SUGCT: variants seen among roughly 807,000 people sequenced by gnomAD.
SUGCT encodes succinyl-CoA:glutarate CoA-transferase.
SUGCT carries 41 observed loss-of-function variants against 55.0 expected under a neutral mutation model. The ratio of observed to expected loss-of-function variants is 0.74; its 90% CI spans 0.58 to 0.97. The LOEUF (loss-of-function observed/expected upper bound fraction) is 0.97. Ranked by LOEUF, SUGCT falls within the 50% of genes least tolerant of loss-of-function variation. The pLI, the probability that SUGCT is intolerant of heterozygous loss-of-function variation, is 0.00. For missense variants in SUGCT, 568 were observed against 547.8 expected, an observed-to-expected ratio of 1.04 and a Z score of -0.37; for synonymous variants, 187 against 200.4, an observed-to-expected ratio of 0.93 and a Z score of 0.56.
chr7:40,203,188 G>C (rs1364901175), intron 6 of SUGCT, among the ~76,000 whole-genome samples: 1 of 152,152 alleles, frequency 6.6e-6, no homozygotes, highest in African/African-American at 2.4e-5. Context: ...AGGAAATTCA[G>C]CTGAAGGTTT....
chr7:40,832,456 T>C (rs1362384183), intron 13 of SUGCT, among the ~76,000 whole-genome samples: 1 of 152,128 alleles, frequency 6.6e-6, no homozygotes, highest in East Asian at 1.9e-4. Context: ...CTTTATATTT[T>C]TTAGTGTTCT....
intron 11 of SUGCT, among the ~76,000 whole-genome samples, chr7:40,461,297 C>T (rs1471928125): frequency 3.3e-5 from 5 of 151,996 alleles, no homozygotes; most frequent in African/African-American, 1.2e-4. Context: ...TTCCAGTATT[C>T]AAAAATATTA....
the SUGCT span, among the ~76,000 whole-genome samples, chr7:40,892,728 G>A: frequency 6.6e-6 from 1 of 152,092 alleles, no homozygotes; most frequent in Non-Finnish European, 1.5e-5. Flanking sequence ...TGTGGAACTA[G>A]GGTCTTGGTG....
At chr7:40,376,520 T>C (rs1166150788) in intron 9 of SUGCT, among the ~76,000 whole-genome samples, 1 of 151,962 alleles carries the variant, frequency 6.6e-6, no homozygotes, top group Non-Finnish European at 1.5e-5. Flanking sequence ...GCCTCCTGAG[T>C]AGCTGGGACT....
chr7:40,442,491 G>A (rs184223814), intron 9 of SUGCT, among the ~76,000 whole-genome samples: 23 of 151,294 alleles, frequency 1.5e-4, no homozygotes, highest in South Asian at 1.0e-3. Flanking sequence ...TTTTTTTTCC[G>A]TCTTATATTT....
the SUGCT span, among the ~76,000 whole-genome samples, chr7:41,015,182 CGAA>C: frequency 6.6e-6 from 1 of 151,854 alleles, no homozygotes; most frequent in Non-Finnish European, 1.5e-5. Context: ...AAGCAGAGAT[CGAA>C]GAAGAGGCTT....
At chr7:40,712,847 T>C (rs1229140502) in intron 12 of SUGCT, among the ~76,000 whole-genome samples, 1 of 152,204 alleles carries the variant, frequency 6.6e-6, no homozygotes, top group Non-Finnish European at 1.5e-5. Flanking sequence ...TTTGAAACCT[T>C]TAGATTTTAC....
the SUGCT span, among the ~76,000 whole-genome samples, chr7:41,016,641 T>C: frequency 6.6e-6 from 1 of 152,182 alleles, no homozygotes; most frequent in African/African-American, 2.4e-5. Context: ...GTTAACATCA[T>C]CCAGGTATTT....
intron 12 of SUGCT, among the ~76,000 whole-genome samples, chr7:40,616,267 C>T (rs1229810256): frequency 6.6e-6 from 1 of 152,022 alleles, no homozygotes; most frequent in Non-Finnish European, 1.5e-5. Flanking sequence ...GCGATCTTGG[C>T]TCACTGCAAC....
chr7:40,408,336 T>C (rs900481902), intron 9 of SUGCT, among the ~76,000 whole-genome samples: 3 of 152,158 alleles, frequency 2.0e-5, no homozygotes, highest in Non-Finnish European at 4.4e-5. Context: ...CTTTTGTTCC[T>C]GAAACCATGT....
rs1250929253 is a variant in SUGCT, at chr7:40,368,004, C to CT, written c.816+51152dup. ...GTCACTCCTCTTCTAGCCTCTAAGC[C>CT]TTTGCTCCTGCCATGTTTCCATCTC... On this transcript the variant is annotated intron_variant, in intron 9 of 13. Transcript: ENST00000335693. Among the ~76,000 whole-genome samples the CT allele has an allele frequency of 3.3e-5, 5 of 152,284 alleles. No homozygotes were observed. The East Asian group carries it at 9.7e-4, about 29-fold the overall frequency.
chr7:40,393,468 G>T (rs894599099), intron 9 of SUGCT, among the ~76,000 whole-genome samples: 1 of 152,188 alleles, frequency 6.6e-6, no homozygotes, highest in Admixed American at 6.5e-5. Flanking sequence ...GTAAATGTTG[G>T]ATTGGGACTT....
chr7:40,380,346 A>G (rs1784808926), intron 9 of SUGCT, among the ~76,000 whole-genome samples: 1 of 152,184 alleles, frequency 6.6e-6, no homozygotes, highest in Non-Finnish European at 1.5e-5. Context: ...GCTACAAGCC[A>G]TTACTCAATT....
At chr7:40,308,609 CTT>C (rs907501461) in intron 8 of SUGCT, among the ~76,000 whole-genome samples, 3 of 152,140 alleles carry the variant, frequency 2.0e-5, no homozygotes, top group African/African-American at 4.8e-5. Context: ...ACTACTGTCT[CTT>C]TTACTTACTA....
intron 12 of SUGCT, among the ~76,000 whole-genome samples, chr7:40,624,514 G>A (rs952260213): frequency 1.3e-5 from 2 of 152,096 alleles, no homozygotes; most frequent in African/African-American, 2.4e-5. Flanking sequence ...AAAGCATTAA[G>A]CCGATTTTCC....
chr7:40,453,228 A>G (rs1389068993), intron 10 of SUGCT, among the ~76,000 whole-genome samples: 1 of 152,184 alleles, frequency 6.6e-6, no homozygotes, highest in African/African-American at 2.4e-5. Flanking sequence ...TCTGAGAAAG[A>G]AGAACTTTCT....
At chr7:40,545,113 T>C (rs1794921264) in intron 12 of SUGCT, among the ~76,000 whole-genome samples, 1 of 152,104 alleles carries the variant, frequency 6.6e-6, no homozygotes, top group Admixed American at 6.5e-5. Flanking sequence ...AAGACTTAGA[T>C]GGTTTGTTTT....
chr7:40,140,235 G>A (rs1182331250), intron 1 of SUGCT, among the ~76,000 whole-genome samples: 1 of 151,916 alleles, frequency 6.6e-6, no homozygotes, highest in East Asian at 1.9e-4. Context: ...GAGATACAGG[G>A]ATCCAGTTTC....
At chr7:40,367,306 A>G (rs1322504859) in intron 9 of SUGCT, among the ~76,000 whole-genome samples, 1 of 151,534 alleles carries the variant, frequency 6.6e-6, no homozygotes, top group East Asian at 1.9e-4. Context: ...TAGGAGATAT[A>G]CCTAATGCTA....
Sources: allele counts gnomAD v4.1 joint callset (sites outside exome capture counted in the v4.1 genomes callset), GRCh38; gene constraint gnomAD v4.1.1; transcripts MANE v1.5; gene names NCBI Gene and HGNC (gene_info 2026-07-23, HGNC 2026-07-21).